SMYD3: variants seen among roughly 807,000 people sequenced by gnomAD.
SMYD3 encodes the protein SET and MYND domain containing 3, also known as histone-lysine N-methyltransferase SMYD3.
A neutral mutation model predicts 57.7 loss-of-function variants in SMYD3; 36 were observed. The observed-to-expected ratio is 0.62, with a 90% CI of 0.48 to 0.82. The LOEUF (loss-of-function observed/expected upper bound fraction) is 0.82. Among genes scored for constraint, SMYD3 ranks in the 40% least tolerant of loss-of-function variants. The probability of loss-of-function intolerance (pLI) is 0.00; values close to 1 mark genes in which losing one functional copy is unlikely to be tolerated. For synonymous variants in SMYD3, 211 were observed against 195.0 expected (o/e 1.08, Z -0.68); for missense variants, 515 against 538.8 (o/e 0.96, Z 0.44).
intron 5 of SMYD3, among the ~76,000 whole-genome samples, chr1:246,217,338 G>C (rs966007338): frequency 7.2e-5 from 11 of 152,070 alleles, no homozygotes; most frequent in African/African-American, 2.7e-4. Flanking sequence ...GTAACGTAGG[G>C]AGACCCTGTC....
rs77909864 is a variant in SMYD3 at position 246,206,235 on chromosome 1, C to T, written c.531+120966G>A. Among the ~76,000 whole-genome samples the T allele has an allele frequency of 0.021, 3,150 of 151,762 alleles. 233 individuals are homozygous for T. In the East Asian group the frequency reaches 0.24, roughly 12 times the overall value. On this transcript the variant is annotated intron_variant, in intron 5 of 11. Transcript: ENST00000490107. ...TTTAAAAAAAGAAAAACAAATTAAT[C>T]CAGATGACATATAACTAAACATCAA...
At chr1:246,440,290 T>G (rs2067442830) in intron 1 of SMYD3, among the ~76,000 whole-genome samples, 1 of 152,214 alleles carries the variant, frequency 6.6e-6, no homozygotes, top group South Asian at 2.1e-4. Flanking sequence ...ATTTGCCCCA[T>G]GTCACTAAAT....
intron 5 of SMYD3, among the ~76,000 whole-genome samples, chr1:246,221,595 G>A (rs1355946693): frequency 1.3e-5 from 2 of 152,196 alleles, no homozygotes; most frequent in Non-Finnish European, 2.9e-5. Context: ...ACATTCCCCG[G>A]TGCCAGACGG....
intron 5 of SMYD3, among the ~76,000 whole-genome samples, chr1:246,003,557 A>T (rs1379418889): frequency 6.6e-6 from 1 of 152,090 alleles, no homozygotes; most frequent in African/African-American, 2.4e-5. Context: ...ATTCCTTTTT[A>T]TCTCTTCCCA....
intron 5 of SMYD3, among the ~76,000 whole-genome samples, chr1:246,315,362 A>G (rs1230002717): frequency 3.3e-5 from 5 of 152,222 alleles, no homozygotes; most frequent in Non-Finnish European, 5.9e-5. Context: ...GGAAAGCTCA[A>G]TCCTAACCAA....
intron 5 of SMYD3, among the ~76,000 whole-genome samples, chr1:246,183,813 G>A (rs559288341): frequency 6.6e-6 from 1 of 152,258 alleles, no homozygotes; most frequent in East Asian, 1.9e-4. Context: ...TTAATAACCT[G>A]GAACATTAGC....
intron 5 of SMYD3, among the ~76,000 whole-genome samples, chr1:246,277,454 G>C (rs1386850031): frequency 6.6e-6 from 1 of 152,050 alleles, no homozygotes; most frequent in Non-Finnish European, 1.5e-5. Flanking sequence ...GTAAAAACAA[G>C]CAAACACCAC....
intron 10 of SMYD3, among the ~76,000 whole-genome samples, chr1:245,776,074 A>G (rs1257092676): frequency 2.6e-5 from 4 of 152,246 alleles, no homozygotes; most frequent in African/African-American, 7.2e-5. Flanking sequence ...AAGCGTTTTA[A>G]AGCCTCTCTA....
intron 8 of SMYD3, among the ~76,000 whole-genome samples, chr1:245,899,880 G>T (rs1017392425): frequency 1.6e-4 from 25 of 152,124 alleles, no homozygotes; most frequent in African/African-American, 6.0e-4. Flanking sequence ...GAGTTGGACT[G>T]ATCAGTTCTT....
At chr1:246,101,071 G>GTTTTT (rs754724096) in intron 5 of SMYD3, among the ~76,000 whole-genome samples, 9 of 54,118 alleles carry the variant, frequency 1.7e-4, no homozygotes, top group African/African-American at 2.6e-4. Context: ...GGGGTTTTTT[G>GTTTTT]TTTTTTTTTT....
intron 7 of SMYD3, among the ~76,000 whole-genome samples, chr1:245,922,343 T>A (rs1388903304): frequency 6.6e-6 from 1 of 152,214 alleles, no homozygotes; most frequent in Admixed American, 6.5e-5. Flanking sequence ...GAGGAGCATG[T>A]ATTAGAACAA....
At chr1:246,099,928 G>A (rs962885738) in intron 5 of SMYD3, among the ~76,000 whole-genome samples, 3 of 152,184 alleles carry the variant, frequency 2.0e-5, no homozygotes, top group Admixed American at 6.5e-5. Flanking sequence ...TCAGTTCTCC[G>A]TGCCAAAGGA....
chr1:246,447,496 C>T (rs2067566358), intron 1 of SMYD3, among the ~76,000 whole-genome samples: 2 of 151,878 alleles, frequency 1.3e-5, no homozygotes, highest in Non-Finnish European at 2.9e-5. Flanking sequence ...AGAAGTTTCT[C>T]TCACAAATAC....
intron 5 of SMYD3, among the ~76,000 whole-genome samples, chr1:246,138,599 G>T (rs1240346157): frequency 7.4e-6 from 1 of 134,868 alleles, no homozygotes; most frequent in Admixed American, 7.9e-5. Flanking sequence ...CTAATTTTTT[G>T]TATTTTTAGT....
At chr1:245,948,407 G>A (rs914602104) in intron 5 of SMYD3, among the ~76,000 whole-genome samples, 8 of 152,142 alleles carry the variant, frequency 5.3e-5, no homozygotes, top group African/African-American at 1.9e-4. Flanking sequence ...ACTGTGTGGA[G>A]AGAGTAAGTG....
chr1:246,276,071 G>A (rs2064325189), intron 5 of SMYD3, among the ~76,000 whole-genome samples: 1 of 121,156 alleles, frequency 8.3e-6, no homozygotes, highest in African/African-American at 2.9e-5. Context: ...GTCTGTAGTG[G>A]AGTCTGATGC....
At chr1:246,338,737 T>C (rs2065583374) in intron 2 of SMYD3, among the ~76,000 whole-genome samples, 1 of 152,234 alleles carries the variant, frequency 6.6e-6, no homozygotes, top group Non-Finnish European at 1.5e-5. Flanking sequence ...TCTATACAGT[T>C]TCATAATGTA....
At chr1:246,275,670 C>T (rs1051157905) in intron 5 of SMYD3, among the ~76,000 whole-genome samples, 2 of 149,934 alleles carry the variant, frequency 1.3e-5, no homozygotes, top group Non-Finnish European at 3.0e-5. Context: ...GAGTCTGATG[C>T]CCATGTTTGA....
In SMYD3 at chr1:245,833,073, A is replaced by AAAAAAAAAAAAACACAAC; in HGVS notation, c.1076+25422_1076+25423insGTTGTGTTTTTTTTTTTT. The stretch of plus-strand genomic sequence containing the variant: ...GGAATATGTGACAAAAAAAAAAAAA[A>AAAAAAAAAAAAACACAAC]AACCTGCTTTTATAATGCTGATTCA... On this transcript the variant is annotated intron_variant, in intron 10 of 11. Transcript: ENST00000490107. Among the ~76,000 whole-genome samples the AAAAAAAAAAAAACACAAC allele has an allele frequency of 5.4e-4, 70 of 128,640 alleles. 4 individuals are homozygous for AAAAAAAAAAAAACACAAC. The East Asian group carries it at 0.015, about 27-fold the overall frequency. 84.4% of individuals were successfully genotyped at this position (128,640 alleles called of 152,430 possible). A position where few individuals can be genotyped will look rare whatever the true frequency, so the allele number is the denominator to read the frequency against.
Sources: gnomAD v4.1 joint callset for allele counts (sites outside exome capture counted in the v4.1 genomes callset) on GRCh38, gnomAD v4.1.1 for gene constraint, MANE v1.5 for transcripts, NCBI Gene and HGNC (gene_info 2026-07-23, HGNC 2026-07-21) for gene names.